USH2A: variants seen among roughly 807,000 people sequenced by gnomAD.
USH2A encodes the protein Usher syndrome 2A (autosomal recessive, mild).
A neutral mutation model predicts 538.9 loss-of-function variants in USH2A; 443 were observed. The observed-to-expected ratio is 0.82, with a 90% CI of 0.76 to 0.89. The LOEUF (loss-of-function observed/expected upper bound fraction) is 0.89. Ranked by LOEUF, USH2A falls within the 40% of genes least tolerant of loss-of-function variation. The pLI, the probability that USH2A is intolerant of heterozygous loss-of-function variation, is 0.00. For missense variants in USH2A, 6,633 were observed against 6,324.8 expected, an observed-to-expected ratio of 1.05 and a Z score of -1.65; for synonymous variants, 2,413 against 2,273.5, an observed-to-expected ratio of 1.06 and a Z score of -1.75.
At chr1:216,252,882 A>G (rs909853357) in intron 11 of USH2A, among the ~76,000 whole-genome samples, 16 of 152,160 alleles carry the variant, frequency 1.1e-4, no homozygotes, top group Admixed American at 2.6e-4. Context: ...TGAAAATCCA[A>G]TAGGCGTGTG....
intron 4 of USH2A, among the ~76,000 whole-genome samples, chr1:216,330,916 A>G (rs1202783254): frequency 6.6e-6 from 1 of 152,054 alleles, no homozygotes; most frequent in African/African-American, 2.4e-5. Flanking sequence ...TTCACTCCCT[A>G]TATTTTAATA....
In USH2A at chr1:215,878,864, C is replaced by T. The variant is rs59174500; in HGVS notation, c.8458G>A (p.Val2820Ile). The T allele has an allele frequency of 6.9e-4, 1,111 of 1,614,010 alleles. 7 individuals are homozygous for T. In the African/African-American group the frequency reaches 0.012, roughly 17 times the overall value. The change falls in exon 42 of 72, where the codon GTA becomes ATA. Residue 2820 changes from valine to isoleucine, a missense_variant. Coordinates refer to ENST00000307340, the MANE Select transcript of USH2A (RefSeq NM_206933.4). ...GACAATGGGCCAACATTCTGAGGTA[C>T]GGTGGGGTGAGTGGTAACATAGGTA... ...LPTYVTTHPT[V>I]PQNVGPLSVI...
At chr1:215,734,683 C>T (rs73088848) in intron 60 of USH2A, among the ~76,000 whole-genome samples, 6,180 of 152,278 alleles carry the variant, frequency 0.041, 382 homozygotes, top group African/African-American at 0.13. Flanking sequence ...GAAATTTCTT[C>T]CACCAGTACC....
chr1:215,979,214 A>T (rs1457413997), intron 35 of USH2A, among the ~76,000 whole-genome samples: 6 of 152,178 alleles, frequency 3.9e-5, no homozygotes, highest in Non-Finnish European at 8.8e-5. Context: ...GGAGAACAGC[A>T]TGGGAAAAAC....
intron 37 of USH2A, among the ~76,000 whole-genome samples, chr1:215,942,291 G>A (rs1349660398): frequency 6.6e-6 from 1 of 152,054 alleles, no homozygotes; most frequent in African/African-American, 2.4e-5. Context: ...TCAAAAAGAG[G>A]GAGTCTTCTA....
chr1:216,163,120 T>C (rs1204594064), intron 21 of USH2A, among the ~76,000 whole-genome samples: 1 of 151,870 alleles, frequency 6.6e-6, no homozygotes, highest in Non-Finnish European at 1.5e-5. Context: ...TTGCTATATA[T>C]TGGCTACAAA....
chr1:215,881,262 C>T (rs900853837), intron 41 of USH2A, among the ~76,000 whole-genome samples: 3 of 152,104 alleles, frequency 2.0e-5, no homozygotes, highest in African/African-American at 4.8e-5. Context: ...TGCTTCAGCC[C>T]CCTGAGTGGC....
At chr1:215,734,990 T>C (rs1660116944) in intron 60 of USH2A, among the ~76,000 whole-genome samples, 1 of 152,196 alleles carries the variant, frequency 6.6e-6, no homozygotes, top group South Asian at 2.1e-4. Flanking sequence ...ACTTCCACAT[T>C]TTCAGGTATC....
chr1:216,108,832 T>C (rs1024574983), intron 21 of USH2A, among the ~76,000 whole-genome samples: 2 of 152,190 alleles, frequency 1.3e-5, no homozygotes, highest in Admixed American at 6.5e-5. Flanking sequence ...TCTCTTAAAA[T>C]ATTTTATCTT....
At chr1:215,791,094 G>C (rs905093816) in intron 50 of USH2A, among the ~76,000 whole-genome samples, 8 of 152,242 alleles carry the variant, frequency 5.3e-5, no homozygotes, top group African/African-American at 1.4e-4. Context: ...ACCTGCATTT[G>C]CATCATTTAG....
At chr1:215,687,491 T>C (rs1423975681) in intron 61 of USH2A, among the ~76,000 whole-genome samples, 3 of 151,950 alleles carry the variant, frequency 2.0e-5, no homozygotes, top group Non-Finnish European at 2.9e-5. Context: ...ATTTAACCTA[T>C]AAAGCAAAAG....
intron 61 of USH2A, among the ~76,000 whole-genome samples, chr1:215,699,586 G>A (rs938236523): frequency 6.6e-6 from 1 of 152,160 alleles, no homozygotes; most frequent in Non-Finnish European, 1.5e-5. Context: ...TAGCAATTGT[G>A]AATGGAAGTT....
intron 32 of USH2A, among the ~76,000 whole-genome samples, chr1:216,034,296 A>G (rs995360792): frequency 1.3e-5 from 2 of 152,154 alleles, no homozygotes; most frequent in Non-Finnish European, 2.9e-5. Context: ...TCATCAATAA[A>G]ACATCATGAA....
At chr1:215,933,815 T>C (rs1246932018) in intron 38 of USH2A, among the ~76,000 whole-genome samples, 2 of 152,040 alleles carry the variant, frequency 1.3e-5, no homozygotes, top group Non-Finnish European at 2.9e-5. Context: ...GCCTTCAGGA[T>C]TTTCAGAAAA....
chr1:216,156,295 C>CTTTTTTTTTTTTTTTTTTTTTTTCTTTT (rs35698520), intron 21 of USH2A, among the ~76,000 whole-genome samples: 1 of 105,526 alleles, frequency 9.5e-6, no homozygotes, highest in Non-Finnish European at 1.9e-5. Context: ...TTTTTTTTTT[C>CTTTTTTTTTTTTTTTTTTTTTTTCTTTT]TTTTTTTTTT....
intron 43 of USH2A, among the ~76,000 whole-genome samples, chr1:215,872,542 C>A (rs1664650570): frequency 6.6e-6 from 1 of 152,016 alleles, no homozygotes; most frequent in Non-Finnish European, 1.5e-5. Context: ...AGAAATACAG[C>A]CAATGAAAGT....
chr1:216,247,095 C>A lies in USH2A; in HGVS notation c.2299G>T (p.Glu767Ter). 1 of 1,611,000 alleles carries A rather than the reference C, an allele frequency of 6.2e-7. No individual in the cohort carries two copies. Among genetic ancestry groups the A allele is most frequent in the Non-Finnish European group, 8.5e-7 (1 of 1,177,196 alleles). Residue 767 changes from glutamate (E) to a stop codon, truncating the protein, a stop_gained, in exon 13 of 72, where the codon GAG (glutamate) becomes TAG (stop). Coordinates refer to ENST00000307340, the MANE Select transcript of USH2A (RefSeq NM_206933.4). LOFTEE classifies it high-confidence loss of function. ...KFCNPHSGQC[E>*]CKKEAKGLQC... ...AGTCCTTTGGCTTCTTTTTTGCACT[C>A]ACACTGCCCAGAGTGAGGATTGCAG...
At chr1:215,648,910 ATCC>A (rs1656952745) in intron 65 of USH2A, 144 bp from the exon 66 acceptor site, 2 of 830,972 alleles carry the variant, frequency 2.4e-6, no homozygotes, top group African/African-American at 3.3e-5. Context: ...CATGACATTT[ATCC>A]TCAAAAAATT....
intron 5 of USH2A, among the ~76,000 whole-genome samples, chr1:216,326,861 AG>A: frequency 1.3e-5 from 2 of 152,296 alleles, no homozygotes; most frequent in Middle Eastern, 6.8e-3. Flanking sequence ...GATTTTTAAT[AG>A]AAGTAAATAA....
Sources: gnomAD v4.1 joint callset for allele counts (sites outside exome capture counted in the v4.1 genomes callset) on GRCh38, gnomAD v4.1.1 for gene constraint, MANE v1.5 for transcripts, NCBI Gene and HGNC (gene_info 2026-07-23, HGNC 2026-07-21) for gene names.